Variants in PLEKHA7 observed in about 807,000 individuals in gnomAD.
The protein encoded by PLEKHA7 is pleckstrin homology domain-containing family A member 7.
PLEKHA7 carries 104 observed loss-of-function variants against 170.0 expected under a neutral mutation model. The ratio of observed to expected loss-of-function variants is 0.61; its 90% CI spans 0.52 to 0.72. PLEKHA7 has a LOEUF of 0.72. PLEKHA7 is among the 30% of genes least tolerant of loss of function. The pLI, the probability that PLEKHA7 is intolerant of heterozygous loss-of-function variation, is 0.00. For missense variants in PLEKHA7, 1,615 were observed against 1,671.7 expected (o/e 0.97, Z 0.59); for synonymous variants, 648 against 660.8 (o/e 0.98, Z 0.30).
chr11:16,820,360 AAT>A (rs1850111011), intron 10 of PLEKHA7, among the ~76,000 whole-genome samples: 1 of 152,240 alleles, frequency 6.6e-6, no homozygotes, highest in Non-Finnish European at 1.5e-5. Context: ...GAGGATTTGA[AAT>A]AGTTGTCATT....
intron 9 of PLEKHA7, among the ~76,000 whole-genome samples, chr11:16,834,432 A>T (rs773080390): frequency 1.1e-4 from 16 of 152,324 alleles, no homozygotes; most frequent in South Asian, 4.1e-4. Flanking sequence ...GATGAACCAA[A>T]GGTGTTTGTA....
intron 3 of PLEKHA7, among the ~76,000 whole-genome samples, chr11:16,873,036 T>G (rs1854991313): frequency 6.6e-6 from 1 of 152,218 alleles, no homozygotes; most frequent in Admixed American, 6.5e-5. Context: ...ATTCAAATTT[T>G]TCCTTGGGTT....
chr11:16,811,218 G>A (rs920671438), intron 13 of PLEKHA7, among the ~76,000 whole-genome samples: 8 of 152,194 alleles, frequency 5.3e-5, no homozygotes, highest in Non-Finnish European at 8.8e-5. Context: ...GAACCAGAAG[G>A]CAGCTATTTC....
intron 3 of PLEKHA7, among the ~76,000 whole-genome samples, chr11:16,944,579 A>G (rs888726959): frequency 1.5e-4 from 22 of 151,540 alleles, no homozygotes; most frequent in African/African-American, 5.3e-4. Context: ...GCAAAAACCC[A>G]TATTTGACAA....
At chr11:16,943,297 G>A (rs959641569) in intron 3 of PLEKHA7, among the ~76,000 whole-genome samples, 10 of 151,550 alleles carry the variant, frequency 6.6e-5, no homozygotes, top group East Asian at 3.9e-4. Flanking sequence ...AACTCTGGGT[G>A]TATTTCACAT....
At chr11:17,010,535 G>A (rs1011943642) in intron 3 of PLEKHA7, among the ~76,000 whole-genome samples, 2 of 152,242 alleles carry the variant, frequency 1.3e-5, no homozygotes. Flanking sequence ...GGCCCCAGGA[G>A]TTCAAGGCTG....
intron 3 of PLEKHA7, among the ~76,000 whole-genome samples, chr11:16,981,271 T>C (rs1863410922): frequency 6.6e-6 from 1 of 152,178 alleles, no homozygotes; most frequent in African/African-American, 2.4e-5. Flanking sequence ...ACTTCATATA[T>C]GTTAATTTAA....
intron 9 of PLEKHA7, among the ~76,000 whole-genome samples, chr11:16,828,384 C>T (rs10160269): frequency 0.46 from 70,152 of 151,990 alleles, 17,925 homozygotes; most frequent in East Asian, 0.71. Context: ...TTCCCTTCCA[C>T]CATGATTGTA....
chr11:16,834,855 G>C (rs1851388272), intron 9 of PLEKHA7, among the ~76,000 whole-genome samples: 1 of 152,204 alleles, frequency 6.6e-6, no homozygotes, highest in South Asian at 2.1e-4. Flanking sequence ...CGGGGGCAGA[G>C]AGCAGGCCCT....
At chr11:16,943,713 G>A (rs550941993) in intron 3 of PLEKHA7, among the ~76,000 whole-genome samples, 4 of 152,222 alleles carry the variant, frequency 2.6e-5, no homozygotes, top group Admixed American at 6.5e-5. Context: ...ATGGGTACTC[G>A]CATTCATCAT....
chr11:16,807,125 A>T, intron 13 of PLEKHA7: 3 of 975,638 alleles, frequency 3.1e-6, no homozygotes, highest in Non-Finnish European at 3.7e-6. Context: ...GCTTGGAGAC[A>T]CGGATCAGAT....
chr11:16,843,324 A>C (rs553906464), intron 8 of PLEKHA7, among the ~76,000 whole-genome samples: 1 of 152,332 alleles, frequency 6.6e-6, no homozygotes, highest in African/African-American at 2.4e-5. Flanking sequence ...ACCAATGAAA[A>C]ACTAGACAAT....
At chr11:16,839,677 T>C (rs1262210298) in intron 9 of PLEKHA7, among the ~76,000 whole-genome samples, 1 of 152,070 alleles carries the variant, frequency 6.6e-6, no homozygotes, top group Non-Finnish European at 1.5e-5. Context: ...AGCATTTACA[T>C]TGTATTAGGT....
chr11:16,782,735 G>C lies in PLEKHA7; in HGVS notation c.3793+19C>G. On this transcript the variant is annotated intron_variant, in intron 26 of 26. Coordinates refer to ENST00000531066, the MANE Select transcript of PLEKHA7 (RefSeq NM_001329630.2). ...AGTGGGGCAGGATCCAGGCCTTGGGGGCTGGGCCATGGCCTTACCTGCCAC... is the reference window on the plus strand; with the variant it reads ...AGTGGGGCAGGATCCAGGCCTTGGGCGCTGGGCCATGGCCTTACCTGCCAC... 6.5e-7 allele frequency: 1 copy of C among 1,535,600 alleles called. No homozygotes were observed. Among genetic ancestry groups the C allele is most frequent in the Non-Finnish European group, 8.7e-7 (1 of 1,146,718 alleles).
intron 24 of PLEKHA7, among the ~76,000 whole-genome samples, chr11:16,785,185 A>G (rs933625487): frequency 6.6e-6 from 1 of 152,182 alleles, no homozygotes; most frequent in Non-Finnish European, 1.5e-5. Flanking sequence ...CAGCTTGTGA[A>G]TGGGCCTGGC....
Position 16,803,257 on chromosome 11 carries a change from C to T in PLEKHA7, c.2046G>A (p.Lys682=), listed in dbSNP as rs1030095183. 100 of 1,613,986 alleles carry T rather than the reference C, an allele frequency of 6.2e-5. 4 individuals are homozygous for T. The highest frequency in any genetic ancestry group is 1.7e-6 in the Non-Finnish European group (2 of 1,179,940). The change falls in exon 14 of 27, where the codon AAG becomes AAA. Residue 682 remains lysine, a synonymous_variant. Transcript: ENST00000531066. ...TGTCGCTCTCAGCGATCTTCACAGG[C>T]TTCAGACTTCGATCCTTGAGAAGGT... ...GRDLLKDRSL[K]PVKIAESDTD... is the part of the protein sequence containing the mutation.
chr11:16,816,700 CATT>C (rs1372424432), intron 11 of PLEKHA7, 97 bp downstream of exon 11: 19 of 1,394,226 alleles, frequency 1.4e-5, no homozygotes, highest in East Asian at 2.3e-5. Flanking sequence ...TATTAGCTAT[CATT>C]ATTATCCCAA....
At chr11:16,834,959 C>T (rs981876358) in intron 9 of PLEKHA7, among the ~76,000 whole-genome samples, 1 of 152,094 alleles carries the variant, frequency 6.6e-6, no homozygotes, top group African/African-American at 2.4e-5. Context: ...GCCTGTGTAA[C>T]AAACAAGAGA....
chr11:16,951,397 G>A (rs908988258), intron 3 of PLEKHA7, among the ~76,000 whole-genome samples: 1 of 152,020 alleles, frequency 6.6e-6, no homozygotes, highest in African/African-American at 2.4e-5. Flanking sequence ...CAACAATAAC[G>A]GTGCATTCTA....
Sources: allele counts gnomAD v4.1 joint callset (sites outside exome capture counted in the v4.1 genomes callset), GRCh38; gene constraint gnomAD v4.1.1; transcripts MANE v1.5; gene names NCBI Gene and HGNC (gene_info 2026-07-23, HGNC 2026-07-21).